ZBBX: variants seen among roughly 807,000 people sequenced by gnomAD.
ZBBX encodes the protein zinc finger B-box domain-containing protein 1.
A neutral mutation model predicts 108.5 loss-of-function variants in ZBBX; 101 were observed. The observed-to-expected ratio is 0.93, with a 90% CI of 0.79 to 1.10. ZBBX has a LOEUF of 1.10. Among genes scored for constraint, ZBBX ranks in the 50% least tolerant of loss-of-function variants. The probability of loss-of-function intolerance (pLI) is 0.00; values close to 1 mark genes in which losing one functional copy is unlikely to be tolerated. For synonymous variants in ZBBX, 356 were observed against 323.4 expected (o/e 1.10, Z -1.08); for missense variants, 1,009 against 941.4 (o/e 1.07, Z -0.94).
chr3:167,276,562 C>T (rs950360785), intron 20 of ZBBX, among the ~76,000 whole-genome samples: 335 of 152,130 alleles, frequency 2.2e-3, no homozygotes, highest in Admixed American at 3.7e-3. Context: ...TAAAAAGAAA[C>T]GAGCAAAGCC....
chr3:167,210,531 G>C, the ZBBX span, among the ~76,000 whole-genome samples: 1 of 152,110 alleles, frequency 6.6e-6, no homozygotes, highest in Non-Finnish European at 1.5e-5. Context: ...CAAATCTGGA[G>C]AAAGATCAAT....
chr3:167,219,426 T>A, the ZBBX span, among the ~76,000 whole-genome samples: 1 of 152,008 alleles, frequency 6.6e-6, no homozygotes, highest in Non-Finnish European at 1.5e-5. Flanking sequence ...TTATATCAAG[T>A]ATCTTCTCTA....
At chr3:167,370,171 A>G (rs1745938842) in intron 4 of ZBBX, among the ~76,000 whole-genome samples, 1 of 152,304 alleles carries the variant, frequency 6.6e-6, no homozygotes, top group South Asian at 2.1e-4. Context: ...TTAGTAGACT[A>G]TTCCAGTAAT....
chr3:167,392,704 A>C (rs1423071480), intron 1 of ZBBX: 1 of 151,828 alleles, frequency 6.6e-6, no homozygotes, highest in African/African-American at 2.4e-5. Context: ...TCTAAAACTC[A>C]TGGTTTCTAT....
intron 12 of ZBBX, among the ~76,000 whole-genome samples, chr3:167,318,119 A>C (rs182371525): frequency 6.6e-6 from 1 of 151,962 alleles, no homozygotes; most frequent in Non-Finnish European, 1.5e-5. Flanking sequence ...GCTGCAGCCC[A>C]TTTCATATGG....
intron 1 of ZBBX, among the ~76,000 whole-genome samples, chr3:167,404,543 C>CCCACTCTT (rs1276571284): frequency 6.6e-6 from 1 of 151,630 alleles, no homozygotes; most frequent in East Asian, 1.9e-4. Context: ...CTCCCACTCT[C>CCCACTCTT]CCCCTTTCTC....
the ZBBX span, among the ~76,000 whole-genome samples, chr3:167,222,261 A>G: frequency 2.6e-5 from 4 of 151,910 alleles, no homozygotes; most frequent in African/African-American, 7.2e-5. Flanking sequence ...TTACAACAAC[A>G]TGGATGGAAC....
the ZBBX span, among the ~76,000 whole-genome samples, chr3:167,183,931 T>C: frequency 6.6e-6 from 1 of 152,224 alleles, no homozygotes; most frequent in Non-Finnish European, 1.5e-5. Flanking sequence ...TGAGGAATCA[T>C]GAGAACTGAT....
At chr3:167,189,798 C>G in the ZBBX span, among the ~76,000 whole-genome samples, 14 of 152,284 alleles carry the variant, frequency 9.2e-5, no homozygotes, top group South Asian at 2.9e-3. Context: ...ATATTATTAT[C>G]ACCCAAAATT....
chr3:167,230,879 T>G, the ZBBX span, among the ~76,000 whole-genome samples: 66 of 151,982 alleles, frequency 4.3e-4, 1 homozygote, highest in South Asian at 0.013. Context: ...GTGGAGATTT[T>G]GGATTAGTGT....
intron 9 of ZBBX, among the ~76,000 whole-genome samples, chr3:167,345,120 A>T (rs1741213261): frequency 6.6e-6 from 1 of 151,910 alleles, no homozygotes. Context: ...GTTTTACGCT[A>T]TTTCAGGAGC....
the ZBBX span, among the ~76,000 whole-genome samples, chr3:167,190,481 T>C: frequency 6.6e-6 from 1 of 150,830 alleles, no homozygotes; most frequent in Non-Finnish European, 1.5e-5. Context: ...CCCGGGTTCA[T>C]GCCATTCTCC....
At chr3:167,369,733 A>G (rs1745882261) in intron 4 of ZBBX, among the ~76,000 whole-genome samples, 1 of 152,186 alleles carries the variant, frequency 6.6e-6, no homozygotes, top group Admixed American at 6.5e-5. Flanking sequence ...CTGGGCACAA[A>G]GAAACAGCAC....
chr3:167,260,843 C>A (rs908177161), intron 20 of ZBBX, among the ~76,000 whole-genome samples: 1 of 152,136 alleles, frequency 6.6e-6, no homozygotes, highest in African/African-American at 2.4e-5. Context: ...TCAGGGATTT[C>A]TTCTTGGCTT....
intron 5 of ZBBX, chr3:167,366,999 A>G: frequency 2.4e-6 from 1 of 417,162 alleles, no homozygotes; most frequent in Non-Finnish European, 4.9e-6. Flanking sequence ...TAAGTTATGC[A>G]TATTTTTCAA....
intron 1 of ZBBX, among the ~76,000 whole-genome samples, chr3:167,400,410 AGAT>A (rs1748388412): frequency 6.6e-6 from 1 of 152,130 alleles, no homozygotes. Context: ...TACTTATGTG[AGAT>A]GATATCTTAT....
chr3:167,288,500 T>A (rs1034589923), intron 19 of ZBBX, among the ~76,000 whole-genome samples: 1 of 152,108 alleles, frequency 6.6e-6, no homozygotes, highest in African/African-American at 2.4e-5. Context: ...ATAATATATA[T>A]CAAGTGAAAG....
At chr3:167,316,017 T>A (rs1446198047) in intron 14 of ZBBX, among the ~76,000 whole-genome samples, 188 bp from the exon 15 acceptor site, 2 of 152,100 alleles carry the variant, frequency 1.3e-5, no homozygotes, top group African/African-American at 2.4e-5. Flanking sequence ...GGTTGATATG[T>A]CAATTACTTT....
At chr3:167,266,179 A>G (rs745502882) in intron 20 of ZBBX, among the ~76,000 whole-genome samples, 2 of 152,120 alleles carry the variant, frequency 1.3e-5, no homozygotes, top group Non-Finnish European at 2.9e-5. Flanking sequence ...CTGTTTTGCC[A>G]TGTTTCTCCT....
Sources: allele counts gnomAD v4.1 joint callset (sites outside exome capture counted in the v4.1 genomes callset), GRCh38; gene constraint gnomAD v4.1.1; transcripts MANE v1.5; gene names NCBI Gene and HGNC (gene_info 2026-07-23, HGNC 2026-07-21).